XPO7: variants seen among roughly 807,000 people sequenced by gnomAD.
XPO7 encodes the protein exportin 7, also known as exportin-7.
In XPO7, 21 loss-of-function variants were observed where a neutral mutation model predicts 144.3. That is an observed-to-expected ratio of 0.15 (90% CI 0.10 to 0.21). The LOEUF is 0.21. Among genes scored for constraint, XPO7 ranks in the 10% least tolerant of loss-of-function variants. The pLI is 1.00. For missense variants in XPO7, 808 were observed against 1,325.8 expected (o/e 0.61, Z 6.06); for synonymous variants, 580 against 499.6 (o/e 1.16, Z -2.15).
At chr8:21,942,250 T>C (rs1585426082) in intron 1 of XPO7, among the ~76,000 whole-genome samples, 1 of 152,228 alleles carries the variant, frequency 6.6e-6, no homozygotes, top group East Asian at 1.9e-4. Flanking sequence ...TTTTTTGGTC[T>C]TAGGGTCTTT....
intron 1 of XPO7, among the ~76,000 whole-genome samples, chr8:21,942,545 G>A (rs555528048): frequency 2.3e-4 from 35 of 152,264 alleles, no homozygotes; most frequent in African/African-American, 7.9e-4. Context: ...TTTATGATAC[G>A]TTGTTTTGGT....
Position 21,984,616 on chromosome 8 carries a change from G to C in XPO7, c.1278-30G>C, listed in dbSNP as rs750719672. ...GCAAATCAGTAGTCATATTTTAAGAGAGCTGCCTTCCTTCTTCCCTTGGGA... is the reference window on the plus strand; with the variant it reads ...GCAAATCAGTAGTCATATTTTAAGACAGCTGCCTTCCTTCTTCCCTTGGGA... On this transcript the variant is annotated intron_variant, in intron 11 of 27. Coordinates refer to ENST00000252512, the MANE Select transcript of XPO7 (RefSeq NM_015024.5). 2.1e-5 allele frequency: 33 copies of C among 1,569,790 alleles called. No individual in the cohort carries two copies. The East Asian group carries it at 5.7e-4, about 27-fold the overall frequency.
At chr8:21,990,199 T>C in intron 16 of XPO7, 145 bp from the exon 17 acceptor site, 4 of 762,236 alleles carry the variant, frequency 5.2e-6, no homozygotes, top group Non-Finnish European at 8.6e-6. Context: ...AGAATGCATT[T>C]TTTCATATTT....
chr8:21,968,349 T>C (rs560746304), intron 2 of XPO7, among the ~76,000 whole-genome samples: 1 of 152,340 alleles, frequency 6.6e-6, no homozygotes, highest in South Asian at 2.1e-4. Context: ...ATACAGTAAA[T>C]AGAACAAATT....
chr8:21,945,219 G>T (rs13280075), intron 1 of XPO7, among the ~76,000 whole-genome samples: 1 of 152,214 alleles, frequency 6.6e-6, no homozygotes, highest in Non-Finnish European at 1.5e-5. Context: ...AGACGGGGTG[G>T]CGGCCGGGCG....
intron 1 of XPO7, among the ~76,000 whole-genome samples, chr8:21,943,877 C>T (rs1386850779): frequency 6.6e-6 from 1 of 151,876 alleles, no homozygotes; most frequent in Non-Finnish European, 1.5e-5. Flanking sequence ...AAAGTTGTGC[C>T]GGAGAGAGTA....
At position 21,980,077 on chromosome 8, in the gene XPO7, C is replaced by T. The variant is rs1408459578; in HGVS notation, c.838-7C>T. The T allele has an allele frequency of 1.3e-6, 2 of 1,575,594 alleles. No individual in the cohort carries two copies. The highest frequency in any genetic ancestry group is 8.6e-7 in the Non-Finnish European group (1 of 1,159,324). ...ATCGTTGTGTTTGGGTTCTGCCCTG[C>T]ATTTAGGTATTATCCTGCTTGGTAC... On this transcript the variant is annotated splice_region_variant and splice_polypyrimidine_tract_variant and intron_variant, in intron 8 of 27. Transcript: ENST00000252512.
chr8:21,985,493 C>T, intron 12 of XPO7, 93 bp from the exon 13 acceptor site: 2 of 1,185,108 alleles, frequency 1.7e-6, no homozygotes, highest in East Asian at 4.7e-5. Context: ...CATGGTTTCA[C>T]CACAGTGTTC....
chr8:21,926,786 A>G (rs1810473146), intron 1 of XPO7, among the ~76,000 whole-genome samples: 1 of 152,150 alleles, frequency 6.6e-6, no homozygotes, highest in African/African-American at 2.4e-5. Context: ...AAAAAAATCT[A>G]AATTTTGCCC....
At chr8:21,960,467 G>A (rs774078988) in intron 1 of XPO7, among the ~76,000 whole-genome samples, 1 of 152,190 alleles carries the variant, frequency 6.6e-6, no homozygotes, top group African/African-American at 2.4e-5. Flanking sequence ...GGTACATTCT[G>A]GCTATTTACT....
At chr8:21,977,239 T>C (rs1242591150) in intron 7 of XPO7, among the ~76,000 whole-genome samples, 1 of 152,184 alleles carries the variant, frequency 6.6e-6, no homozygotes, top group Non-Finnish European at 1.5e-5. Context: ...TCTCAGAGAA[T>C]TGAAAGAAGA....
chr8:21,927,140 T>TG (rs963878388), intron 1 of XPO7, among the ~76,000 whole-genome samples: 4 of 149,666 alleles, frequency 2.7e-5, no homozygotes, highest in African/African-American at 9.7e-5. Flanking sequence ...TCCCAGCTAC[T>TG]GGGGGGGAGG....
rs184292279 is a variant in XPO7 at position 21,999,388 on chromosome 8, C to G, written c.2643+83C>G. 69 of 1,582,830 alleles carry G rather than the reference C, an allele frequency of 4.4e-5. No individual in the cohort carries two copies. The East Asian group carries it at 1.2e-3, about 27-fold the overall frequency. ...CCTGAGACCAAGATTGAACACTGCT[C>G]TTGAGAAACTATGTAAGCTAGCTCC... On this transcript the variant is annotated intron_variant, in intron 23 of 27. Coordinates refer to ENST00000252512, the MANE Select transcript of XPO7 (RefSeq NM_015024.5).
intron 20 of XPO7, among the ~76,000 whole-genome samples, 183 bp from the exon 21 acceptor site, chr8:21,995,309 G>T (rs1178934880): frequency 6.6e-6 from 1 of 152,132 alleles, no homozygotes; most frequent in Non-Finnish European, 1.5e-5. Context: ...GCCTTTCACA[G>T]GTTAAAGAAC....
rs183760797 is a variant in XPO7, at chr8:21,989,341, T to C, written c.1868+258T>C. On this transcript the variant is annotated intron_variant, in intron 16 of 27. Transcript: ENST00000252512. ...TCTATTCCTAAGTTCCAGAAGTGCA[T>C]AGTAGCCCCATCTCATAGGTACATA... Among the ~76,000 whole-genome samples the C allele has an allele frequency of 1.5e-3, 236 of 152,346 alleles. 1 individual carries two copies. Among genetic ancestry groups the C allele is most frequent in the Middle Eastern group, 3.4e-3 (1 of 294 alleles).
chr8:21,974,052 C>G (rs1812148325), intron 5 of XPO7, among the ~76,000 whole-genome samples: 1 of 148,544 alleles, frequency 6.7e-6, no homozygotes, highest in African/African-American at 2.5e-5. Flanking sequence ...TTACTGAAAT[C>G]AAAGAGTTGT....
At chr8:21,990,247 T>G in intron 16 of XPO7, 97 bp from the exon 17 acceptor site, 1 of 1,212,580 alleles carries the variant, frequency 8.2e-7, no homozygotes, top group Non-Finnish European at 1.2e-6. Context: ...AAAAATAAGA[T>G]ATTTGGGTGA....
intron 1 of XPO7, among the ~76,000 whole-genome samples, chr8:21,942,251 T>C (rs1811017993): frequency 6.6e-6 from 1 of 152,210 alleles, no homozygotes; most frequent in South Asian, 2.1e-4. Flanking sequence ...TTTTTGGTCT[T>C]AGGGTCTTTT....
chr8:21,924,349 A>G (rs957468769), intron 1 of XPO7, among the ~76,000 whole-genome samples: 5 of 152,142 alleles, frequency 3.3e-5, no homozygotes, highest in African/African-American at 1.2e-4. Context: ...ATTTTCACAA[A>G]GTGAATACTC....
Sources: gnomAD v4.1 joint callset for allele counts (sites outside exome capture counted in the v4.1 genomes callset) on GRCh38, gnomAD v4.1.1 for gene constraint, MANE v1.5 for transcripts, NCBI Gene and HGNC (gene_info 2026-07-23, HGNC 2026-07-21) for gene names.